BCAS3: variants seen among roughly 807,000 people sequenced by gnomAD.
BCAS3 encodes BCAS4/BCAS3 fusion.
A neutral mutation model predicts 116.1 loss-of-function variants in BCAS3; 53 were observed. That is an observed-to-expected ratio of 0.46 (90% confidence interval 0.37 to 0.57). The LOEUF (loss-of-function observed/expected upper bound fraction) is 0.57, where lower values mean the gene tolerates loss of function less well. Ranked by LOEUF, BCAS3 falls within the 20% of genes least tolerant of loss-of-function variation. The probability of loss-of-function intolerance (pLI) is 0.00; values close to 1 mark genes in which losing one functional copy is unlikely to be tolerated. For synonymous variants in BCAS3, 391 were observed against 408.2 expected, an observed-to-expected ratio of 0.96 and a Z score of 0.51; for missense variants, 917 against 1,165.4, an observed-to-expected ratio of 0.79 and a Z score of 3.10.
At chr17:60,798,174 T>G (rs1237247303) in intron 6 of BCAS3, among the ~76,000 whole-genome samples, 1 of 152,226 alleles carries the variant, frequency 6.6e-6, no homozygotes, top group African/African-American at 2.4e-5. Flanking sequence ...ACATTATTAT[T>G]CCCCAAAGTC....
intron 5 of BCAS3, 188 bp downstream of exon 5, chr17:60,709,513 C>T (rs2037595433): frequency 4.7e-6 from 2 of 425,848 alleles, no homozygotes; most frequent in Non-Finnish European, 8.5e-6. Context: ...CCTCAACCTC[C>T]CGAGTAGCTG....
intron 22 of BCAS3, among the ~76,000 whole-genome samples, chr17:61,290,591 A>G (rs757492117): frequency 6.6e-6 from 1 of 152,184 alleles, no homozygotes; most frequent in Non-Finnish European, 1.5e-5. Context: ...ACGAAAAACG[A>G]CAGAGAATTT....
At chr17:61,135,023 G>A (rs1009241783) in intron 22 of BCAS3, among the ~76,000 whole-genome samples, 2 of 152,154 alleles carry the variant, frequency 1.3e-5, no homozygotes, top group African/African-American at 4.8e-5. Context: ...GTTTCCAGTA[G>A]TTTGAAGACT....
rs548150559 is a variant in BCAS3, at chr17:60,702,783, G to A, written c.215-6436G>A. ...TTTTGTATTTTTTTGTAGAGATGGG[G>A]TTTTGCCATGTTGCCCAGGCTGGTC... On this transcript the variant is annotated intron_variant, in intron 4 of 23. Coordinates refer to ENST00000407086, the MANE Select transcript of BCAS3 (RefSeq NM_017679.5). 2.0e-5 allele frequency among the ~76,000 whole-genome samples: 3 copies of A among 151,762 alleles called. No homozygotes were observed. In the South Asian group the frequency reaches 6.3e-4, roughly 32 times the overall value.
At chr17:61,176,138 C>CAAAAAAAAAAAAAAAAAAAAAAAAAAAAA (rs534042215) in intron 22 of BCAS3, among the ~76,000 whole-genome samples, 1 of 50,046 alleles carries the variant, frequency 2.0e-5, no homozygotes, top group Non-Finnish European at 4.1e-5. Context: ...GACCCTATCT[C>CAAAAAAAAAAAAAAAAAAAAAAAAAAAAA]AAAAAAAAAA....
At chr17:61,351,893 T>A (rs1343024199) in intron 22 of BCAS3, among the ~76,000 whole-genome samples, 3 of 152,190 alleles carry the variant, frequency 2.0e-5, no homozygotes, top group Admixed American at 2.0e-4. Flanking sequence ...TGGAGAGCCA[T>A]CTCCTACATC....
At chr17:61,153,305 G>C (rs1180803235) in intron 22 of BCAS3, among the ~76,000 whole-genome samples, 1 of 152,208 alleles carries the variant, frequency 6.6e-6, no homozygotes. Flanking sequence ...TAAAATGTTA[G>C]TTGCTAAGTC....
intron 19 of BCAS3, among the ~76,000 whole-genome samples, chr17:61,045,849 C>CTCTCTA (rs1247914760): frequency 3.8e-4 from 3 of 7,932 alleles, no homozygotes; most frequent in African/African-American, 1.2e-3. Context: ...CTCTCTCTCT[C>CTCTCTA]TATATATATA....
intron 23 of BCAS3, among the ~76,000 whole-genome samples, chr17:61,382,384 C>T (rs1370319963): frequency 1.3e-5 from 2 of 151,422 alleles, no homozygotes; most frequent in Non-Finnish European, 2.9e-5. Context: ...CCTCAGCCTC[C>T]CCAGTAGCTG....
Position 60,723,478 on chromosome 17 carries a change from G to A in BCAS3, c.321+14153G>A, listed in dbSNP as rs1340488389. Among the ~76,000 whole-genome samples, 3 of 152,022 alleles carry A rather than the reference G, an allele frequency of 2.0e-5. No individual in the cohort carries two copies. The South Asian group carries it at 6.3e-4, about 32-fold the overall frequency. On this transcript the variant is annotated intron_variant, in intron 5 of 23. Transcript: ENST00000407086. ...TGGCCTCAAGTGATCCAGCCGCCTCGGCCTCCCAAAGTGCTAGGATTACAG... is the reference window on the plus strand; with the variant it reads ...TGGCCTCAAGTGATCCAGCCGCCTCAGCCTCCCAAAGTGCTAGGATTACAG...
intron 7 of BCAS3, among the ~76,000 whole-genome samples, chr17:60,845,425 G>A (rs1368004642): frequency 6.6e-6 from 1 of 152,186 alleles, no homozygotes; most frequent in Non-Finnish European, 1.5e-5. Context: ...AAGTTGTAAT[G>A]TTTGAGTGTG....
intron 7 of BCAS3, among the ~76,000 whole-genome samples, chr17:60,853,538 A>G (rs2053372459): frequency 6.6e-6 from 1 of 152,222 alleles, no homozygotes; most frequent in Non-Finnish European, 1.5e-5. Context: ...CACATTTACT[A>G]GAGAAAAATA....
chr17:60,856,402 A>T (rs1230999876), intron 7 of BCAS3, among the ~76,000 whole-genome samples: 1 of 152,212 alleles, frequency 6.6e-6, no homozygotes, highest in Non-Finnish European at 1.5e-5. Flanking sequence ...AAAATTATAG[A>T]TGGAGGCTGG....
chr17:60,970,480 G>T (rs1439121026), intron 14 of BCAS3, among the ~76,000 whole-genome samples: 1 of 152,074 alleles, frequency 6.6e-6, no homozygotes, highest in Admixed American at 6.5e-5. Context: ...TAATATGATA[G>T]TAAATGTATA....
In BCAS3 at chr17:61,276,267, C is replaced by G. The variant is rs376452092; in HGVS notation, c.2426-92060C>G. ...ACTTGGGAGAGTGAGGCAGGAGAAT[C>G]GCTTGAACCTGGGAGGCAGAGGTTG... On this transcript the variant is annotated intron_variant, in intron 22 of 23. Transcript: ENST00000407086. This position sits in a 1 kb window ranked among gnomAD's most constrained non-coding sequence, Gnocchi z 4.2. 2.0e-5 allele frequency among the ~76,000 whole-genome samples: 3 copies of G among 151,998 alleles called. 1 individual carries two copies. In the East Asian group the frequency reaches 5.8e-4, roughly 29 times the overall value.
Position 61,200,790 on chromosome 17 carries a change from A to G in BCAS3, c.2425+116226A>G, listed in dbSNP as rs1323112925. Among the ~76,000 whole-genome samples, 4 of 152,240 alleles carry G rather than the reference A, an allele frequency of 2.6e-5. No homozygotes were observed. Among genetic ancestry groups the G allele is most frequent in the Non-Finnish European group, 4.4e-5 (3 of 68,040 alleles). ...ACCTGTTTGAGCCTAATAATCAAGT[A>G]TTGTACTGAAATTCCAAATAGAATT... On this transcript the variant is annotated intron_variant, in intron 22 of 23. Transcript: ENST00000407086. The surrounding 1 kb of genome is among the most constrained non-coding windows in gnomAD (Gnocchi z 5.1).
intron 4 of BCAS3, among the ~76,000 whole-genome samples, chr17:60,707,905 TGTAAA>T (rs1335606191): frequency 2.0e-5 from 3 of 152,236 alleles, no homozygotes; most frequent in African/African-American, 7.2e-5. Context: ...TGCTAGTCTT[TGTAAA>T]GTATTTTTAT....
At chr17:60,775,406 GC>G (rs911368146) in intron 6 of BCAS3, among the ~76,000 whole-genome samples, 2 of 151,982 alleles carry the variant, frequency 1.3e-5, no homozygotes, top group Non-Finnish European at 2.9e-5. Flanking sequence ...TCCCCATGAT[GC>G]TTTTAGTCTT....
At position 61,361,234 on chromosome 17, in the gene BCAS3, G is replaced by T. The variant is rs1028918522; in HGVS notation, c.2426-7093G>T. On this transcript the variant is annotated intron_variant, in intron 22 of 23. Coordinates refer to ENST00000407086, the MANE Select transcript of BCAS3 (RefSeq NM_017679.5). This position sits in a 1 kb window ranked among gnomAD's most constrained non-coding sequence, Gnocchi z 6.5. ...AAAGACCCAGACGGAGTAGCAACTT[G>T]CCCAGAGTAACCAGAAAAGTTAATG... Among the ~76,000 whole-genome samples, 1 of 151,650 alleles carries T rather than the reference G, an allele frequency of 6.6e-6. No homozygotes were observed. The highest frequency in any genetic ancestry group is 1.5e-5 in the Non-Finnish European group (1 of 67,952).
Sources: allele counts gnomAD v4.1 joint callset (sites outside exome capture counted in the v4.1 genomes callset), GRCh38; gene constraint gnomAD v4.1.1; non-coding constraint Gnocchi (gnomAD v3.1); transcripts MANE v1.5; gene names NCBI Gene and HGNC (gene_info 2026-07-23, HGNC 2026-07-21).